NPNT: variants seen among roughly 807,000 people sequenced by gnomAD.
NPNT encodes the protein nephronectin.
NPNT carries 45 observed loss-of-function variants against 68.6 expected under a neutral mutation model. The observed-to-expected ratio is 0.66, with a 90% CI of 0.52 to 0.84. The LOEUF (loss-of-function observed/expected upper bound fraction) is 0.84, where lower values mean the gene tolerates loss of function less well. NPNT is among the 40% of genes least tolerant of loss of function. The pLI is 0.00. For synonymous variants in NPNT, 233 were observed against 253.3 expected, an observed-to-expected ratio of 0.92 and a Z score of 0.76; for missense variants, 672 against 714.8, an observed-to-expected ratio of 0.94 and a Z score of 0.68.
At chr4:105,947,296 A>T (rs1730465227) in intron 8 of NPNT, among the ~76,000 whole-genome samples, 1 of 152,202 alleles carries the variant, frequency 6.6e-6, no homozygotes, top group Non-Finnish European at 1.5e-5. Context: ...TTGTACAGTT[A>T]ACACAATTAT....
chr4:105,953,685 GCC>G (rs1731001790), intron 8 of NPNT, among the ~76,000 whole-genome samples: 2 of 152,256 alleles, frequency 1.3e-5, no homozygotes, highest in African/African-American at 4.8e-5. Context: ...GTCTCTAAAA[GCC>G]TCTAGGTTTT....
chr4:105,902,305 G>A (rs952429717), intron 2 of NPNT, among the ~76,000 whole-genome samples: 9 of 152,152 alleles, frequency 5.9e-5, no homozygotes, highest in African/African-American at 2.2e-4. Context: ...CTTTCTATTT[G>A]AGGTCAACAA....
chr4:105,956,256 A>G (rs1731214786), intron 8 of NPNT, among the ~76,000 whole-genome samples: 1 of 151,842 alleles, frequency 6.6e-6, no homozygotes, highest in Non-Finnish European at 1.5e-5. Context: ...TAAATTTTCC[A>G]AGCACTTTCT....
At chr4:105,964,900 A>G (rs1731999151) in intron 10 of NPNT, among the ~76,000 whole-genome samples, 1 of 152,252 alleles carries the variant, frequency 6.6e-6, no homozygotes, top group Admixed American at 6.5e-5. Flanking sequence ...TTGCTACCAT[A>G]GAAAAATGGT....
chr4:105,964,769 A>G (rs373439352), intron 10 of NPNT, among the ~76,000 whole-genome samples: 2 of 152,286 alleles, frequency 1.3e-5, no homozygotes, highest in South Asian at 4.1e-4. Flanking sequence ...ATTTAAAAAC[A>G]TTTTTGTTTG....
chr4:105,931,795 G>T (rs536508640), intron 3 of NPNT, among the ~76,000 whole-genome samples: 1 of 151,906 alleles, frequency 6.6e-6, no homozygotes, highest in East Asian at 1.9e-4. Flanking sequence ...AGCCAAGATC[G>T]AGCGGCTGCA....
At chr4:105,934,449 C>T (rs1729358927) in intron 3 of NPNT, among the ~76,000 whole-genome samples, 1 of 152,180 alleles carries the variant, frequency 6.6e-6, no homozygotes, top group Admixed American at 6.5e-5. Context: ...TTTTGATAAA[C>T]ATGGATGACT....
rs770321537 is a variant in NPNT at position 105,959,116 on chromosome 4, G to A, written c.1335G>A (p.Arg445=). The change falls in exon 10 of 12, where the codon AGG becomes AGA. Residue 445 remains arginine (R), a synonymous_variant. Coordinates refer to ENST00000379987, the MANE Select transcript of NPNT (RefSeq NM_001033047.3). ...KDNDLHWEPI[R]DPAGGQYLTV... ...ATGACTTGCACTGGGAACCAATCAG[G>A]GACCCAGCAGGTAAAACCATTTCAT... 1 of 1,608,440 alleles carries A rather than the reference G, an allele frequency of 6.2e-7. No individual in the cohort carries two copies.
At chr4:105,912,597 A>G in intron 2 of NPNT, 3 of 989,426 alleles carry the variant, frequency 3.0e-6, no homozygotes, top group Non-Finnish European at 3.6e-6. Flanking sequence ...CCAGCCTATC[A>G]TTAACCTGAG....
rs1445091133 is a variant in NPNT at position 105,970,650 on chromosome 4, G to A, written c.*1660G>A. Reference sequence around the variant, plus strand: ...GTTAGAATACTTCATAAAAAAAGAAGTGTGAAAATCTCAGTATCTCTCTCT... The same window carrying A: ...GTTAGAATACTTCATAAAAAAAGAAATGTGAAAATCTCAGTATCTCTCTCT... On this transcript the variant is annotated 3_prime_UTR_variant, in exon 12 of 12. Coordinates refer to ENST00000379987, the MANE Select transcript of NPNT (RefSeq NM_001033047.3). 1 of 599,960 alleles carries A rather than the reference G, an allele frequency of 1.7e-6. No homozygotes were observed. Among genetic ancestry groups the A allele is most frequent in the Admixed American group, 2.4e-5 (1 of 42,204 alleles). The allele number at this position is 599,960 out of a possible 1,614,324, so 37.2% of individuals were successfully genotyped here.
intron 2 of NPNT, among the ~76,000 whole-genome samples, chr4:105,900,307 C>A (rs1033071334): frequency 4.6e-5 from 7 of 152,140 alleles, no homozygotes; most frequent in African/African-American, 1.7e-4. Context: ...TAGATCTTCC[C>A]AACTTATCCC....
intron 2 of NPNT, among the ~76,000 whole-genome samples, chr4:105,910,500 C>T (rs1449272709): frequency 9.8e-5 from 14 of 142,304 alleles, no homozygotes; most frequent in Admixed American, 4.1e-4. Context: ...GGGTTTATAC[C>T]GCAAAAAAAA....
intron 2 of NPNT, among the ~76,000 whole-genome samples, chr4:105,914,031 C>T (rs1329638095): frequency 1.3e-5 from 2 of 151,820 alleles, no homozygotes; most frequent in Non-Finnish European, 2.9e-5. Context: ...AAACAGGGAC[C>T]CTTACTTTCA....
intron 3 of NPNT, among the ~76,000 whole-genome samples, chr4:105,932,086 T>C (rs1729158008): frequency 1.3e-5 from 2 of 152,320 alleles, no homozygotes; most frequent in South Asian, 4.1e-4. Flanking sequence ...ATGATAATAT[T>C]GACGATCTAT....
chr4:105,967,429 G>C lies in NPNT; in HGVS notation c.1587G>C (p.Gly529=). Residue 529 remains glycine, a synonymous_variant, in exon 11 of 12, where the codon GGG becomes GGC. Coordinates refer to ENST00000379987, the MANE Select transcript of NPNT (RefSeq NM_001033047.3). ...GGCAAACACAGATCACCTTGCGAGG[G>C]GCTGACATCAAGAGCGTAAGTAGAT... ...GWRQTQITLR[G]ADIKSVVFKG... 6.3e-7 allele frequency: 1 copy of C among 1,592,752 alleles called. No homozygotes were observed. The highest frequency in any genetic ancestry group is 8.5e-7 in the Non-Finnish European group (1 of 1,170,552).
In NPNT at chr4:105,959,058, A is replaced by G. The variant is rs1560540826; in HGVS notation, c.1277A>G (p.His426Arg). 1.9e-6 allele frequency: 3 copies of G among 1,613,164 alleles called. No individual in the cohort carries two copies. The highest frequency in any genetic ancestry group is 2.2e-5 in the East Asian group (1 of 44,832). The change falls in exon 10 of 12, where the codon CAT (histidine) becomes CGT (arginine). Residue 426 changes from histidine (H) to arginine (R), a missense_variant. Coordinates refer to ENST00000379987, the MANE Select transcript of NPNT (RefSeq NM_001033047.3). ...GVLVHSCNFDHGLCGWIREKD... is the reference protein window; with the variant it reads ...GVLVHSCNFDRGLCGWIREKD... ...CTGGTACACAGTTGTAATTTTGACC[A>G]TGGACTTTGTGGATGGATCAGGGAG...
At chr4:105,901,376 C>T (rs747735342) in intron 2 of NPNT, among the ~76,000 whole-genome samples, 14 of 152,126 alleles carry the variant, frequency 9.2e-5, no homozygotes, top group Non-Finnish European at 1.2e-4. Context: ...CTGAAAACTT[C>T]CTTAATGTAG....
chr4:105,899,570 C>A (rs1726230496), intron 2 of NPNT, among the ~76,000 whole-genome samples: 1 of 152,102 alleles, frequency 6.6e-6, no homozygotes, highest in Non-Finnish European at 1.5e-5. Flanking sequence ...TGTAATTGAC[C>A]CCCCGTGCAA....
chr4:105,923,864 T>A (rs1728462713), intron 2 of NPNT, among the ~76,000 whole-genome samples: 2 of 152,112 alleles, frequency 1.3e-5, no homozygotes, highest in Admixed American at 6.6e-5. Flanking sequence ...AAAATAAAAA[T>A]TTTAAAAGCC....
Sources: allele counts gnomAD v4.1 joint callset (sites outside exome capture counted in the v4.1 genomes callset), GRCh38; gene constraint gnomAD v4.1.1; transcripts MANE v1.5; gene names NCBI Gene and HGNC (gene_info 2026-07-23, HGNC 2026-07-21).